SUGCT: variants seen among roughly 807,000 people sequenced by gnomAD.
The protein encoded by SUGCT is succinyl-CoA:glutarate CoA-transferase.
In SUGCT, 41 loss-of-function variants were observed where a neutral mutation model predicts 55.0. The observed-to-expected ratio is 0.74, with a 90% CI of 0.58 to 0.97. The LOEUF (loss-of-function observed/expected upper bound fraction) is 0.97, where lower values mean the gene tolerates loss of function less well. Among genes scored for constraint, SUGCT ranks in the 50% least tolerant of loss-of-function variants. The probability of loss-of-function intolerance (pLI) is 0.00; values close to 1 mark genes in which losing one functional copy is unlikely to be tolerated. For synonymous variants in SUGCT, 187 were observed against 200.4 expected, an observed-to-expected ratio of 0.93 and a Z score of 0.56; for missense variants, 568 against 547.8, an observed-to-expected ratio of 1.04 and a Z score of -0.37.
the SUGCT span, among the ~76,000 whole-genome samples, chr7:40,896,872 T>C: frequency 6.6e-6 from 1 of 152,198 alleles, no homozygotes; most frequent in Non-Finnish European, 1.5e-5. Flanking sequence ...AAAATCTATA[T>C]GAAACCGCAA....
At chr7:40,363,056 G>A (rs973970923) in intron 9 of SUGCT, among the ~76,000 whole-genome samples, 3 of 152,110 alleles carry the variant, frequency 2.0e-5, no homozygotes, top group Non-Finnish European at 4.4e-5. Context: ...TGTATGTGTC[G>A]AGGAATTTAT....
intron 9 of SUGCT, among the ~76,000 whole-genome samples, chr7:40,412,545 C>A (rs1449551707): frequency 6.6e-6 from 1 of 152,026 alleles, no homozygotes; most frequent in East Asian, 1.9e-4. Flanking sequence ...TTTGTTTTGT[C>A]GAATTTGTTT....
intron 9 of SUGCT, among the ~76,000 whole-genome samples, chr7:40,375,524 C>T (rs1784497979): frequency 6.6e-6 from 1 of 152,142 alleles, no homozygotes; most frequent in Non-Finnish European, 1.5e-5. Context: ...GCTTTATTTC[C>T]TTCATGGAAT....
At chr7:40,814,661 A>C (rs1246666212) in intron 13 of SUGCT, among the ~76,000 whole-genome samples, 1 of 151,912 alleles carries the variant, frequency 6.6e-6, no homozygotes, top group Admixed American at 6.6e-5. Context: ...GCTTCCTTGC[A>C]ATCCATGCTT....
chr7:40,726,214 C>T (rs1786604442), intron 12 of SUGCT, among the ~76,000 whole-genome samples: 1 of 152,054 alleles, frequency 6.6e-6, no homozygotes. Context: ...CTACCATTGA[C>T]TGGAAGCCTT....
At chr7:40,495,024 C>A (rs1212621979) in intron 11 of SUGCT, among the ~76,000 whole-genome samples, 1 of 151,994 alleles carries the variant, frequency 6.6e-6, no homozygotes, top group Non-Finnish European at 1.5e-5. Context: ...GATTCTCTTG[C>A]CTCAGCCTTC....
Position 40,139,963 on chromosome 7 carries a change from C to T in SUGCT, c.100+4843C>T, listed in dbSNP as rs1210899760. ...TGTTGTCCAGGCTGGAGTGCAATGG[C>T]GCGATCTCGGCTCACTGCAGCCTCC... On this transcript the variant is annotated intron_variant, in intron 1 of 13. Coordinates refer to ENST00000335693, the MANE Select transcript of SUGCT (RefSeq NM_001193313.2). Among the ~76,000 whole-genome samples, 17 of 150,606 alleles carry T rather than the reference C, an allele frequency of 1.1e-4. No individual in the cohort carries two copies. The East Asian group carries it at 3.0e-3, about 26-fold the overall frequency.
intron 6 of SUGCT, among the ~76,000 whole-genome samples, chr7:40,199,739 T>C (rs1409585333): frequency 6.6e-6 from 1 of 152,172 alleles, no homozygotes; most frequent in African/African-American, 2.4e-5. Context: ...ATTATATTAT[T>C]GACTAGACTG....
the SUGCT span, among the ~76,000 whole-genome samples, chr7:41,029,387 T>C: frequency 6.6e-6 from 1 of 152,198 alleles, no homozygotes; most frequent in Non-Finnish European, 1.5e-5. Context: ...ATGTAACTTC[T>C]GGAACCTCCT....
intron 13 of SUGCT, among the ~76,000 whole-genome samples, chr7:40,779,727 A>T (rs1170572768): frequency 1.3e-5 from 2 of 152,206 alleles, no homozygotes; most frequent in African/African-American, 4.8e-5. Flanking sequence ...TTCAAGTTTT[A>T]AACTCTTCAT....
intron 12 of SUGCT, among the ~76,000 whole-genome samples, chr7:40,606,071 ATC>A (rs1798519046): frequency 6.6e-6 from 1 of 152,178 alleles, no homozygotes; most frequent in African/African-American, 2.4e-5. Context: ...TTTTAGAAAC[ATC>A]TCTCAGGAAG....
intron 13 of SUGCT, among the ~76,000 whole-genome samples, chr7:40,839,544 T>C (rs190315769): frequency 7.9e-4 from 121 of 152,354 alleles, no homozygotes; most frequent in South Asian, 1.4e-3. Context: ...CCTAGAAATT[T>C]CTTTTTTAGA....
the SUGCT span, among the ~76,000 whole-genome samples, chr7:40,890,253 A>G: frequency 6.9e-5 from 10 of 144,060 alleles, no homozygotes; most frequent in African/African-American, 2.5e-4. Context: ...TTTATATTAT[A>G]TATTTATATT....
the SUGCT span, among the ~76,000 whole-genome samples, chr7:40,870,343 T>C: frequency 8.1e-3 from 1,230 of 152,274 alleles, 17 homozygotes; most frequent in African/African-American, 0.028. Flanking sequence ...TCACAGACAG[T>C]GGTGTAACAT....
the SUGCT span, among the ~76,000 whole-genome samples, chr7:40,869,655 T>C: frequency 1.4e-5 from 2 of 143,166 alleles, no homozygotes; most frequent in Non-Finnish European, 3.0e-5. Flanking sequence ...AGAAAATGAA[T>C]ATACCCACGA....
At chr7:40,949,321 ATTTG>A in the SUGCT span, among the ~76,000 whole-genome samples, 42 of 151,984 alleles carry the variant, frequency 2.8e-4, 1 homozygote, top group Non-Finnish European at 1.0e-4. Flanking sequence ...TTTCTTGTAA[ATTTG>A]TTTGAGCTCT....
intron 1 of SUGCT, among the ~76,000 whole-genome samples, chr7:40,171,614 T>C (rs1784675835): frequency 1.3e-5 from 2 of 152,256 alleles, no homozygotes; most frequent in Admixed American, 1.3e-4. Flanking sequence ...GTTTTTGCTT[T>C]TTTTGAATTA....
chr7:40,249,313 CTATATA>C (rs57348487), intron 7 of SUGCT, among the ~76,000 whole-genome samples: 37,563 of 79,388 alleles, frequency 0.47, 8,927 homozygotes, highest in East Asian at 0.66. Context: ...CACCAAAAAG[CTATATA>C]TATATATATA....
chr7:40,543,440 G>A (rs985237679), intron 12 of SUGCT, among the ~76,000 whole-genome samples: 12 of 152,168 alleles, frequency 7.9e-5, no homozygotes, highest in African/African-American at 2.9e-4. Flanking sequence ...CACACAGACT[G>A]AAAACAGGCT....
Sources: gnomAD v4.1 joint callset for allele counts (sites outside exome capture counted in the v4.1 genomes callset) on GRCh38, gnomAD v4.1.1 for gene constraint, MANE v1.5 for transcripts, NCBI Gene and HGNC (gene_info 2026-07-23, HGNC 2026-07-21) for gene names.